Variants in ELOVL6 observed in about 807,000 individuals in gnomAD.
ELOVL6 encodes the protein ELOVL fatty acid elongase 6, also known as very long chain fatty acid elongase 6.
ELOVL6 carries 8 observed loss-of-function variants against 31.7 expected under a neutral mutation model. The ratio of observed to expected loss-of-function variants is 0.25; its 90% CI spans 0.15 to 0.45. ELOVL6 has a LOEUF of 0.45. ELOVL6 is among the 20% of genes least tolerant of loss of function. ELOVL6 has a pLI of 1.00. For synonymous variants in ELOVL6, 101 were observed against 117.7 expected (o/e 0.86, Z 0.92); for missense variants, 126 against 326.4 (o/e 0.39, Z 4.73).
In ELOVL6 at chr4:110,084,243, G is replaced by GAT. The variant is rs1208648160; in HGVS notation, c.221+21252_221+21253dup. ...CTTATATGATATATATAACATATAT[G>GAT]ATATATATAACATATAGCTTATATG... On this transcript the variant is annotated intron_variant, in intron 2 of 3. Coordinates refer to ENST00000302274, the MANE Select transcript of ELOVL6 (RefSeq NM_024090.3). Among the ~76,000 whole-genome samples, 63 of 98,888 alleles carry GAT rather than the reference G, an allele frequency of 6.4e-4. 5 individuals are homozygous for GAT. Among genetic ancestry groups the GAT allele is most frequent in the Admixed American group, 2.2e-3 (19 of 8,794 alleles). 64.9% of individuals were successfully genotyped at this position (98,888 alleles called of 152,430 possible).
chr4:110,143,629 AC>A (rs145272440), intron 1 of ELOVL6, among the ~76,000 whole-genome samples: 5,313 of 152,308 alleles, frequency 0.035, 314 homozygotes, highest in African/African-American at 0.12. Flanking sequence ...CTAAAAAGGA[AC>A]CTACACTTAA....
At chr4:110,196,720 C>T (rs1371306074) in intron 1 of ELOVL6, among the ~76,000 whole-genome samples, 1 of 152,118 alleles carries the variant, frequency 6.6e-6, no homozygotes, top group Admixed American at 6.5e-5. Context: ...CCCTTGGGCC[C>T]CTAGCCCACC....
At chr4:110,083,495 G>A (rs1479095101) in intron 2 of ELOVL6, among the ~76,000 whole-genome samples, 2 of 151,598 alleles carry the variant, frequency 1.3e-5, no homozygotes, top group Non-Finnish European at 2.9e-5. Flanking sequence ...TGGTTTAACA[G>A]GTGGGCATGG....
At chr4:110,084,584 ATATATTTT>A (rs1326471139) in intron 2 of ELOVL6, among the ~76,000 whole-genome samples, 25 of 54,870 alleles carry the variant, frequency 4.6e-4, no homozygotes, top group African/African-American at 3.4e-3. Context: ...ATATATATAT[ATATATTTT>A]TTTTTTTTTT....
At chr4:110,196,917 C>G (rs1036960767) in intron 1 of ELOVL6, among the ~76,000 whole-genome samples, 1 of 152,180 alleles carries the variant, frequency 6.6e-6, no homozygotes, top group Non-Finnish European at 1.5e-5. Flanking sequence ...CCGGGCCTCC[C>G]GACACTGGCC....
chr4:110,089,747 C>CA (rs765967145), intron 2 of ELOVL6, among the ~76,000 whole-genome samples: 4 of 152,142 alleles, frequency 2.6e-5, no homozygotes, highest in African/African-American at 4.8e-5. Flanking sequence ...CAAAGCAGCT[C>CA]ATTGTTGCCT....
rs897682328 is a variant in ELOVL6 at position 110,050,063 on chromosome 4, C to A, written c.*1275G>T. The A allele has an allele frequency of 6.6e-6, 1 of 152,214 alleles. No individual in the cohort carries two copies. The highest frequency in any genetic ancestry group is 2.4e-5 in the African/African-American group (1 of 41,310). 9.4% of individuals were successfully genotyped at this position (152,214 alleles called of 1,614,324 possible). On this transcript the variant is annotated 3_prime_UTR_variant, in exon 4 of 4. Coordinates refer to ENST00000302274, the MANE Select transcript of ELOVL6 (RefSeq NM_024090.3). Reference sequence around the variant, plus strand: ...ATTTGAGGGATAAGTGTATGGGGGCCCTTTGTTGTCAACTGTTTTCAGCCA... The same window carrying A: ...ATTTGAGGGATAAGTGTATGGGGGCACTTTGTTGTCAACTGTTTTCAGCCA...
intron 1 of ELOVL6, among the ~76,000 whole-genome samples, chr4:110,159,336 G>A (rs1440445313): frequency 2.0e-5 from 3 of 152,142 alleles, no homozygotes; most frequent in Non-Finnish European, 4.4e-5. Flanking sequence ...AACAATATAT[G>A]AGAGGACAAT....
chr4:110,136,544 T>G (rs1206659662), intron 1 of ELOVL6, among the ~76,000 whole-genome samples: 1 of 152,206 alleles, frequency 6.6e-6, no homozygotes, highest in Non-Finnish European at 1.5e-5. Flanking sequence ...CAACTTGAGA[T>G]GTAGTGTTCC....
At chr4:110,061,569 T>TTTTTTTG in intron 2 of ELOVL6, among the ~76,000 whole-genome samples, 1 of 116,944 alleles carries the variant, frequency 8.6e-6, no homozygotes, top group African/African-American at 3.9e-5. Flanking sequence ...TTTTTTTTTT[T>TTTTTTTG]TTTTTGAGAC....
At chr4:110,189,966 C>CAAA (rs34493408) in intron 1 of ELOVL6, among the ~76,000 whole-genome samples, 9 of 133,718 alleles carry the variant, frequency 6.7e-5, no homozygotes, top group East Asian at 4.3e-4. Flanking sequence ...GACTCCATCT[C>CAAA]AAAAAAAAAA....
Position 110,048,493 on chromosome 4 carries a change from A to G in ELOVL6, c.*2845T>C, listed in dbSNP as rs1271560484. ...CAATAGAAAGATACTCTATTGCAGC[A>G]TAGTGGGGCAGCTATAAAAACTTGC... On this transcript the variant is annotated 3_prime_UTR_variant, in exon 4 of 4. Transcript: ENST00000302274. The G allele has an allele frequency of 1.3e-5, 2 of 152,190 alleles. No homozygotes were observed. Among genetic ancestry groups the G allele is most frequent in the South Asian group, 2.1e-4 (1 of 4,830 alleles). The allele number at this position is 152,190 out of a possible 1,614,324, so 9.4% of individuals were successfully genotyped here.
intron 2 of ELOVL6, among the ~76,000 whole-genome samples, chr4:110,094,811 G>A (rs1049736495): frequency 1.3e-5 from 2 of 152,014 alleles, no homozygotes; most frequent in Non-Finnish European, 2.9e-5. Flanking sequence ...CATGTCTAGG[G>A]CAGTTGATGC....
At chr4:110,127,130 C>A (rs1757520749) in intron 1 of ELOVL6, among the ~76,000 whole-genome samples, 2 of 151,998 alleles carry the variant, frequency 1.3e-5, no homozygotes, top group Admixed American at 1.3e-4. Flanking sequence ...AAAGCCTGGC[C>A]AGGTGCAGTG....
At chr4:110,068,424 C>T (rs374639631) in intron 2 of ELOVL6, among the ~76,000 whole-genome samples, 7 of 152,138 alleles carry the variant, frequency 4.6e-5, no homozygotes, top group African/African-American at 9.7e-5. Context: ...TATGATCCCC[C>T]GATAAACATG....
In ELOVL6 at chr4:110,074,402, A is replaced by C. The variant is rs138896370; in HGVS notation, c.222-14648T>G. On this transcript the variant is annotated intron_variant, in intron 2 of 3. Coordinates refer to ENST00000302274, the MANE Select transcript of ELOVL6 (RefSeq NM_024090.3). ...CTATAGATATGGAGGGCTGACTGTA[A>C]TTTCAGCCAGGGGAGGGTCATGAGA... Among the ~76,000 whole-genome samples, 119 of 152,276 alleles carry C rather than the reference A, an allele frequency of 7.8e-4. 2 individuals are homozygous for C. The East Asian group carries it at 0.019, about 24-fold the overall frequency.
intron 1 of ELOVL6, among the ~76,000 whole-genome samples, chr4:110,167,325 A>G (rs938237118): frequency 2.7e-5 from 4 of 150,222 alleles, no homozygotes; most frequent in Non-Finnish European, 5.9e-5. Context: ...ACCTTATACT[A>G]ACTGTAAATA....
chr4:110,154,928 T>G (rs1226208665), intron 1 of ELOVL6, among the ~76,000 whole-genome samples: 1 of 152,202 alleles, frequency 6.6e-6, no homozygotes, highest in Non-Finnish European at 1.5e-5. Flanking sequence ...TGAGTCCAAC[T>G]TTTACTTTTT....
chr4:110,071,394 C>A (rs959154012), intron 2 of ELOVL6, among the ~76,000 whole-genome samples: 2 of 152,188 alleles, frequency 1.3e-5, no homozygotes, highest in Admixed American at 6.5e-5. Flanking sequence ...TGTGCTATAC[C>A]TTACTCCTCA....
Sources: gnomAD v4.1 joint callset for allele counts (sites outside exome capture counted in the v4.1 genomes callset) on GRCh38, gnomAD v4.1.1 for gene constraint, MANE v1.5 for transcripts, NCBI Gene and HGNC (gene_info 2026-07-23, HGNC 2026-07-21) for gene names.